The following PHF21B variants were observed in gnomAD, a reference collection of about 807,000 sequenced individuals.
The protein encoded by PHF21B is PHD finger protein 4.
PHF21B carries 22 observed loss-of-function variants against 62.2 expected under a neutral mutation model. The ratio of observed to expected loss-of-function variants is 0.35; its 90% confidence interval spans 0.25 to 0.51. PHF21B has a LOEUF of 0.51. Among genes scored for constraint, PHF21B ranks in the 20% least tolerant of loss-of-function variants. The pLI is 0.97. For missense variants in PHF21B, 701 were observed against 707.9 expected (o/e 0.99, Z 0.11); for synonymous variants, 341 against 314.7 (o/e 1.08, Z -0.88).
rs367674867 is a variant in PHF21B, at chr22:44,889,751, G to T, written c.1038+9C>A. ...CGGAAGTGTGAAGACGGAGGGAGGG[G>T]ACACGTACCTTCCAGCAGGGGTCCT... On this transcript the variant is annotated intron_variant, in intron 9 of 12. Transcript: ENST00000313237. 13 of 1,578,698 alleles carry T rather than the reference G, an allele frequency of 8.2e-6. No homozygotes were observed. Among genetic ancestry groups the T allele is most frequent in the African/African-American group, 1.4e-5 (1 of 72,462 alleles).
chr22:44,946,618 G>C (rs2072078673), intron 2 of PHF21B, among the ~76,000 whole-genome samples: 1 of 151,920 alleles, frequency 6.6e-6, no homozygotes, highest in Non-Finnish European at 1.5e-5. Flanking sequence ...TGGTTGTATG[G>C]ATGGATGGGT....
At chr22:44,890,436 G>A (rs777174409) in intron 8 of PHF21B, among the ~76,000 whole-genome samples, 1 of 152,160 alleles carries the variant, frequency 6.6e-6, no homozygotes, top group Non-Finnish European at 1.5e-5. Flanking sequence ...GAACAGTTCC[G>A]GAGTCTGCAC....
chr22:44,885,090 T>C (rs2070831831), intron 12 of PHF21B, among the ~76,000 whole-genome samples: 1 of 152,274 alleles, frequency 6.6e-6, no homozygotes, highest in Admixed American at 6.5e-5. Context: ...CGCTGCCTTC[T>C]CCACATACTG....
At chr22:44,932,194 A>G (rs377180153) in intron 2 of PHF21B, among the ~76,000 whole-genome samples, 33 of 152,302 alleles carry the variant, frequency 2.2e-4, no homozygotes, top group African/African-American at 7.9e-4. Flanking sequence ...CTGTTCTTTA[A>G]GAGGGGCCAT....
intron 5 of PHF21B, among the ~76,000 whole-genome samples, chr22:44,909,527 AC>A: frequency 6.6e-6 from 1 of 152,350 alleles, no homozygotes; most frequent in South Asian, 2.1e-4. Flanking sequence ...GGCTTTTTAG[AC>A]ATGTCGAAGG....
intron 2 of PHF21B, among the ~76,000 whole-genome samples, chr22:44,929,315 T>C (rs1415764751): frequency 6.6e-6 from 1 of 152,210 alleles, no homozygotes; most frequent in African/African-American, 2.4e-5. Context: ...TGCATGAGAA[T>C]GTGCTTAGGC....
intron 2 of PHF21B, among the ~76,000 whole-genome samples, chr22:44,981,434 G>C (rs1335558537): frequency 6.6e-6 from 1 of 152,208 alleles, no homozygotes; most frequent in Admixed American, 6.5e-5. Context: ...CTATGGTCTT[G>C]AAGGTGGGGA....
intron 2 of PHF21B, among the ~76,000 whole-genome samples, chr22:44,931,704 G>A (rs979976885): frequency 1.3e-5 from 2 of 152,096 alleles, no homozygotes; most frequent in African/African-American, 4.8e-5. Context: ...GTGTAGAGGT[G>A]TATTCTGGAA....
At chr22:44,886,654 T>G (rs561998435) in intron 10 of PHF21B, among the ~76,000 whole-genome samples, 1 of 151,428 alleles carries the variant, frequency 6.6e-6, no homozygotes, top group Admixed American at 6.6e-5. Context: ...GCTCCTGCAC[T>G]CTAGCCTGTG....
At chr22:44,961,897 T>G (rs1053436322) in intron 2 of PHF21B, among the ~76,000 whole-genome samples, 1 of 151,470 alleles carries the variant, frequency 6.6e-6, no homozygotes, top group African/African-American at 2.4e-5. Flanking sequence ...AATAAATAAG[T>G]ATAATGACCT....
intron 5 of PHF21B, chr22:44,901,949 AT>A (rs1477768766): frequency 4.7e-6 from 1 of 214,716 alleles, no homozygotes. Flanking sequence ...CTTGGAAGCT[AT>A]TGAGCCATGG....
intron 3 of PHF21B, among the ~76,000 whole-genome samples, chr22:44,917,025 G>C (rs766203827): frequency 6.6e-6 from 1 of 152,214 alleles, no homozygotes; most frequent in Non-Finnish European, 1.5e-5. Context: ...GCTGCCCCTC[G>C]GCAGGGACTG....
intron 2 of PHF21B, chr22:44,989,021 T>C (rs1017201974): frequency 3.3e-5 from 5 of 152,174 alleles, no homozygotes; most frequent in Non-Finnish European, 1.5e-5. Flanking sequence ...GGGGACCTAA[T>C]CACCTCCCAA....
chr22:45,007,846 C>G (rs907250443), intron 2 of PHF21B, among the ~76,000 whole-genome samples: 6 of 151,478 alleles, frequency 4.0e-5, no homozygotes, highest in African/African-American at 1.2e-4. Context: ...GCTGAAACCC[C>G]GAGCGCTGAG....
intron 2 of PHF21B, among the ~76,000 whole-genome samples, chr22:44,930,766 C>G (rs1443848427): frequency 7.7e-6 from 1 of 130,180 alleles, no homozygotes; most frequent in African/African-American, 3.0e-5. Flanking sequence ...CCTCTTCTGA[C>G]AGGATAGGTT....
rs1420258548 is a variant in PHF21B at position 44,883,139 on chromosome 22, G to C, written c.1543C>G (p.Pro515Ala). Reference sequence around the variant, plus strand: ...GTGGGGTGTGTGGCTGCCACTGAGGGCTTGGTCCAGGGCCCGGCCAGCAGT... The same window carrying C: ...GTGGGGTGTGTGGCTGCCACTGAGGCCTTGGTCCAGGGCCCGGCCAGCAGT... ...APLLAGPWTKPSVAATHPTVQ... is the reference protein window; with the variant it reads ...APLLAGPWTKASVAATHPTVQ... Residue 515 changes from proline to alanine, a missense_variant, in exon 13 of 13, where the codon CCC becomes GCC. Transcript: ENST00000313237. 2.5e-6 allele frequency: 4 copies of C among 1,612,872 alleles called. No homozygotes were observed. The South Asian group carries it at 4.4e-5, about 18-fold the overall frequency.
intron 9 of PHF21B, among the ~76,000 whole-genome samples, chr22:44,888,522 T>C (rs1298349605): frequency 6.6e-6 from 1 of 151,998 alleles, no homozygotes; most frequent in African/African-American, 2.4e-5. Flanking sequence ...GTGCTGGGAG[T>C]GGGACCAGTG....
At chr22:44,955,567 G>A (rs201400723) in intron 2 of PHF21B, among the ~76,000 whole-genome samples, 8 of 152,192 alleles carry the variant, frequency 5.3e-5, no homozygotes, top group African/African-American at 1.2e-4. Context: ...ACAAAAAGGC[G>A]GGGAAGGGTG....
intron 2 of PHF21B, among the ~76,000 whole-genome samples, chr22:44,966,207 G>C (rs76439299): frequency 0.068 from 10,292 of 152,276 alleles, 428 homozygotes; most frequent in Middle Eastern, 0.14. Context: ...CCCCAACCCA[G>C]CTTTCCAGCA....
Sources: gnomAD v4.1 joint callset for allele counts (sites outside exome capture counted in the v4.1 genomes callset) on GRCh38, gnomAD v4.1.1 for gene constraint, MANE v1.5 for transcripts, NCBI Gene and HGNC (gene_info 2026-07-23, HGNC 2026-07-21) for gene names.